SLC6A6: variants seen among roughly 807,000 people sequenced by gnomAD.
The protein encoded by SLC6A6 is sodium- and chloride-dependent taurine transporter.
Under a neutral mutation model 68.8 loss-of-function variants are expected in SLC6A6, and 16 were observed. That is an observed-to-expected ratio of 0.23 (90% CI 0.16 to 0.35). The LOEUF (loss-of-function observed/expected upper bound fraction) is 0.35. SLC6A6 is among the 10% of genes least tolerant of loss of function. The probability of loss-of-function intolerance (pLI) is 1.00; values close to 1 mark genes in which losing one functional copy is unlikely to be tolerated. For missense variants in SLC6A6, 474 were observed against 802.8 expected, an observed-to-expected ratio of 0.59 and a Z score of 4.95; for synonymous variants, 312 against 315.4, an observed-to-expected ratio of 0.99 and a Z score of 0.12.
rs531690145 is a variant in SLC6A6, at chr3:14,469,787, G to A, written c.1096+1575G>A. Among the ~76,000 whole-genome samples the A allele has an allele frequency of 2.6e-5, 4 of 151,990 alleles. No individual in the cohort carries two copies. In the East Asian group the frequency reaches 7.8e-4, roughly 30 times the overall value. On this transcript the variant is annotated intron_variant, in intron 9 of 14. Transcript: ENST00000622186. ...TCTTTGCTTGGCAGAGATGCACACT[G>A]CCCAGCCCCATCCTGAGACCCCTGA...
chr3:14,465,845 G>A (rs539537575), intron 6 of SLC6A6, among the ~76,000 whole-genome samples: 1 of 152,288 alleles, frequency 6.6e-6, no homozygotes, highest in East Asian at 1.9e-4. Flanking sequence ...CCACCTCTAC[G>A]CCCTGGAATG....
At chr3:14,470,180 G>A (rs970757378) in intron 9 of SLC6A6, among the ~76,000 whole-genome samples, 3 of 152,188 alleles carry the variant, frequency 2.0e-5, no homozygotes, top group African/African-American at 7.2e-5. Context: ...CATGGACAAC[G>A]AAGTATTTTC....
intron 4 of SLC6A6, among the ~76,000 whole-genome samples, chr3:14,447,092 A>G (rs896100570): frequency 1.3e-5 from 2 of 152,180 alleles, no homozygotes; most frequent in African/African-American, 4.8e-5. Context: ...TATCTATGCA[A>G]CAAATGGATA....
At chr3:14,469,518 A>C (rs1302757531) in intron 9 of SLC6A6, among the ~76,000 whole-genome samples, 1 of 152,200 alleles carries the variant, frequency 6.6e-6, no homozygotes, top group Non-Finnish European at 1.5e-5. Flanking sequence ...CCCTTCTCAG[A>C]TGAGGAGACC....
At chr3:14,417,554 A>AC (rs1267824398) in intron 2 of SLC6A6, among the ~76,000 whole-genome samples, 1 of 151,786 alleles carries the variant, frequency 6.6e-6, no homozygotes, top group African/African-American at 2.4e-5. Flanking sequence ...ACACGGTGAA[A>AC]CCCTGTCTCT....
intron 5 of SLC6A6, among the ~76,000 whole-genome samples, chr3:14,451,581 A>G (rs1263551197): frequency 6.6e-6 from 1 of 152,170 alleles, no homozygotes; most frequent in Non-Finnish European, 1.5e-5. Context: ...GGAACCATAG[A>G]AGGTATATGA....
chr3:14,471,878 G>A (rs1700760131), intron 9 of SLC6A6, among the ~76,000 whole-genome samples: 1 of 152,226 alleles, frequency 6.6e-6, no homozygotes. Context: ...TGGGGTGGGA[G>A]GATCCTCCCT....
chr3:14,471,130 C>CTTTTTTT (rs754511089), intron 9 of SLC6A6, among the ~76,000 whole-genome samples: 233 of 82,450 alleles, frequency 2.8e-3, no homozygotes, highest in Middle Eastern at 0.011. Flanking sequence ...TGCTTCTTGA[C>CTTTTTTT]TTTTTTTTTT....
intron 2 of SLC6A6, among the ~76,000 whole-genome samples, chr3:14,430,390 CCATCA>C (rs1199819566): frequency 2.0e-5 from 3 of 151,956 alleles, no homozygotes; most frequent in Non-Finnish European, 4.4e-5. Flanking sequence ...GAGTGACAGG[CCATCA>C]GAAGGTATAC....
chr3:14,434,690 T>C (rs1699810659), intron 2 of SLC6A6, among the ~76,000 whole-genome samples: 1 of 152,190 alleles, frequency 6.6e-6, no homozygotes, highest in Admixed American at 6.5e-5. Flanking sequence ...GTTTGGAGTA[T>C]GGTGTGTGCC....
chr3:14,449,080 G>A (rs1402376422), intron 5 of SLC6A6, among the ~76,000 whole-genome samples: 2 of 152,204 alleles, frequency 1.3e-5, no homozygotes, highest in Admixed American at 6.5e-5. Context: ...TTAGGAGCTG[G>A]CCCAGGAATG....
chr3:14,403,897 T>C (rs920420129), intron 1 of SLC6A6, among the ~76,000 whole-genome samples: 1 of 152,212 alleles, frequency 6.6e-6, no homozygotes, highest in African/African-American at 2.4e-5. Flanking sequence ...GGGAGGTGTG[T>C]GCCGGGTAGG....
intron 5 of SLC6A6, 106 bp downstream of exon 5, chr3:14,447,922 G>A (rs1700167613): frequency 1.1e-5 from 17 of 1,515,564 alleles, no homozygotes; most frequent in Non-Finnish European, 1.5e-5. Context: ...GTCTTCGGGG[G>A]AGTGGGAGGA....
chr3:14,486,784 A>G lies in SLC6A6; in HGVS notation c.*1777A>G, dbSNP rs1701179301. 1 of 152,372 alleles carries G rather than the reference A, an allele frequency of 6.6e-6. No homozygotes were observed. Among genetic ancestry groups the G allele is most frequent in the African/African-American group, 2.4e-5 (1 of 41,436 alleles). 9.4% of individuals were successfully genotyped at this position (152,372 alleles called of 1,614,324 possible). A position where few individuals can be genotyped will look rare whatever the true frequency, so the allele number is the denominator to read the frequency against. ...CCTTCTTAAATTTGGGAGGAGGAGT[A>G]TGCCTTTGGTGTCCCCCTCCCAAGG... On this transcript the variant is annotated 3_prime_UTR_variant, in exon 15 of 15. Coordinates refer to ENST00000622186, the MANE Select transcript of SLC6A6 (RefSeq NM_003043.6).
At position 14,450,867 on chromosome 3, in the gene SLC6A6, G is replaced by A. The variant is rs781664134; in HGVS notation, c.599+3051G>A. Among the ~76,000 whole-genome samples, 7 of 152,160 alleles carry A rather than the reference G, an allele frequency of 4.6e-5. No homozygotes were observed. The highest frequency in any genetic ancestry group is 7.2e-5 in the African/African-American group (3 of 41,418). ...GTTGACTCCTGTGAGCATAGTACTAGGAACTTGCCCCTGTCATTTCTTTCA... is the reference window on the plus strand; with the variant it reads ...GTTGACTCCTGTGAGCATAGTACTAAGAACTTGCCCCTGTCATTTCTTTCA... On this transcript the variant is annotated intron_variant, in intron 5 of 14. Transcript: ENST00000622186. This position sits in a 1 kb window ranked among gnomAD's most constrained non-coding sequence, Gnocchi z 4.1.
intron 2 of SLC6A6, among the ~76,000 whole-genome samples, chr3:14,440,823 G>A (rs1430783036): frequency 1.3e-5 from 2 of 152,078 alleles, no homozygotes; most frequent in South Asian, 4.1e-4. Flanking sequence ...GTGGACCTGT[G>A]ACTGCAGCCC....
At chr3:14,423,405 A>G (rs1699526189) in intron 2 of SLC6A6, among the ~76,000 whole-genome samples, 1 of 152,220 alleles carries the variant, frequency 6.6e-6, no homozygotes, top group Admixed American at 6.5e-5. Context: ...CACCAGGCAC[A>G]GTGCAGTTGG....
At chr3:14,404,304 G>A (rs571592203) in intron 1 of SLC6A6, among the ~76,000 whole-genome samples, 1 of 152,262 alleles carries the variant, frequency 6.6e-6, no homozygotes, top group African/African-American at 2.4e-5. Flanking sequence ...CTCTCGACCA[G>A]GGAGTCACCC....
chr3:14,426,892 C>T (rs892520404), intron 2 of SLC6A6, among the ~76,000 whole-genome samples: 9 of 152,100 alleles, frequency 5.9e-5, no homozygotes, highest in African/African-American at 2.2e-4. Flanking sequence ...TCCTTCAGGG[C>T]CTGGGAATGG....
Sources: allele counts gnomAD v4.1 joint callset (sites outside exome capture counted in the v4.1 genomes callset), GRCh38; gene constraint gnomAD v4.1.1; non-coding constraint Gnocchi (gnomAD v3.1); transcripts MANE v1.5; gene names NCBI Gene and HGNC (gene_info 2026-07-23, HGNC 2026-07-21).